FAM149A: variants seen among roughly 807,000 people sequenced by gnomAD.
The protein encoded by FAM149A is protein FAM149A.
A neutral mutation model predicts 78.2 loss-of-function variants in FAM149A; 71 were observed. The observed-to-expected ratio is 0.91, with a 90% CI of 0.75 to 1.11. The LOEUF is 1.11. Ranked by LOEUF, FAM149A falls within the 50% of genes least tolerant of loss-of-function variation. The pLI, the probability that FAM149A is intolerant of heterozygous loss-of-function variation, is 0.00. For synonymous variants in FAM149A, 446 were observed against 410.5 expected (o/e 1.09, Z -1.04); for missense variants, 1,036 against 971.0 (o/e 1.07, Z -0.89).
intron 1 of FAM149A, chr4:186,130,253 A>G (rs967443391): frequency 4.2e-4 from 33 of 78,092 alleles, no homozygotes; most frequent in African/African-American, 1.3e-3. Flanking sequence ...CTAAAATTGG[A>G]CTTTATGAAA....
chr4:186,135,416 T>C (rs1181446410), intron 1 of FAM149A, among the ~76,000 whole-genome samples: 1 of 152,098 alleles, frequency 6.6e-6, no homozygotes, highest in Non-Finnish European at 1.5e-5. Flanking sequence ...TTATCCCTGG[T>C]AGTCATGGTC....
intron 5 of FAM149A, 147 bp downstream of exon 5, chr4:186,153,917 TA>T: frequency 1.3e-6 from 1 of 762,666 alleles, no homozygotes. Context: ...ACAATTTTTA[TA>T]AGAAGCTTTT....
intron 1 of FAM149A, among the ~76,000 whole-genome samples, chr4:186,148,536 A>G (rs777257397): frequency 1.2e-4 from 19 of 152,240 alleles, no homozygotes; most frequent in African/African-American, 4.3e-4. Context: ...GGACATTTCA[A>G]TGATTAACAG....
rs762278887 is a variant in FAM149A at position 186,153,651 on chromosome 4, A to G, written c.939A>G (p.Leu313=). 2 of 1,613,986 alleles carry G rather than the reference A, an allele frequency of 1.2e-6. No individual in the cohort carries two copies. The highest frequency in any genetic ancestry group is 2.2e-5 in the South Asian group (2 of 91,074). The change falls in exon 5 of 14, where the codon TTA becomes TTG. Residue 313 remains leucine (L), a synonymous_variant. Coordinates refer to ENST00000389354, the MANE Select transcript of FAM149A (RefSeq NM_001367768.3). ...CTTCTCTTTGACCTCGCAGAGTATT[A>G]GGAAGACAGCTGATCCTGCCCACTG... is the stretch of plus-strand genomic sequence containing the variant.
chr4:186,165,491 T>C (rs759416750), intron 11 of FAM149A, 27 bp downstream of exon 11: 2 of 1,613,036 alleles, frequency 1.2e-6, no homozygotes, highest in Admixed American at 3.3e-5. Flanking sequence ...TCTATTTCAG[T>C]GGACCATTTA....
intron 1 of FAM149A, among the ~76,000 whole-genome samples, chr4:186,137,438 G>T (rs547892203): frequency 1.1e-4 from 16 of 152,036 alleles, no homozygotes; most frequent in African/African-American, 3.9e-4. Flanking sequence ...TGCATGGTAC[G>T]CACTTTCTGT....
At chr4:186,158,840 G>C (rs199974065) in intron 8 of FAM149A, 11 of 990,128 alleles carry the variant, frequency 1.1e-5, no homozygotes, top group South Asian at 4.4e-5. Context: ...ACCACTGAGC[G>C]GTCTCAAGCT....
chr4:186,107,354 A>G (rs2099309198), intron 1 of FAM149A: 3 of 152,244 alleles, frequency 2.0e-5, no homozygotes, highest in South Asian at 4.1e-4. Flanking sequence ...CATTATTTAC[A>G]TAAGAGATTA....
intron 8 of FAM149A, chr4:186,158,946 T>C: frequency 6.5e-6 from 2 of 305,660 alleles, no homozygotes; most frequent in Non-Finnish European, 9.6e-6. Context: ...CTGTTTGCAA[T>C]GTGATTATTT....
At chr4:186,127,987 C>CTTTTTTTTTTTTTTTTTTTTTTTTTTT (rs61637634) in intron 1 of FAM149A, among the ~76,000 whole-genome samples, 1 of 62,390 alleles carries the variant, frequency 1.6e-5, no homozygotes, top group Non-Finnish European at 2.7e-5. Context: ...CATGCCCGGC[C>CTTTTTTTTTTTTTTTTTTTTTTTTTTT]TTTTTTTTTT....
rs539874864 is a variant in FAM149A at position 186,109,054 on chromosome 4, A to G, written c.566+3412A>G. 5.7e-5 allele frequency: 13 copies of G among 228,866 alleles called. No homozygotes were observed. In the Admixed American group the frequency reaches 5.9e-4, roughly 10 times the overall value. The allele number at this position is 228,866 out of a possible 1,614,324, so 14.2% of individuals were successfully genotyped here. A position where few individuals can be genotyped will look rare whatever the true frequency, so the allele number is the denominator to read the frequency against. ...AGTAGAGAAGGGGTTTCACCATGTT[A>G]GCCAGGATGGTCTCGATCTCCTGAC... On this transcript the variant is annotated intron_variant, in intron 1 of 13. Transcript: ENST00000389354.
In FAM149A at chr4:186,130,293, C is replaced by CTCTCTCTCTCTCTCTCTCTCTCTA; in HGVS notation, c.567-18879_567-18878insCTCTCTCTCTCTCTCTCTCTCTAT. 3.6e-3 allele frequency: 166 copies of CTCTCTCTCTCTCTCTCTCTCTCTA among 46,528 alleles called. 4 individuals are homozygous for CTCTCTCTCTCTCTCTCTCTCTCTA. Among genetic ancestry groups the CTCTCTCTCTCTCTCTCTCTCTCTA allele is most frequent in the Non-Finnish European group, 4.7e-3 (121 of 25,884 alleles). The allele number at this position is 46,528 out of a possible 1,614,324, so 2.9% of individuals were successfully genotyped here. The stretch of plus-strand genomic sequence containing the variant: ...TCTCTCTCTCTCTCTCTCTCTCTCT[C>CTCTCTCTCTCTCTCTCTCTCTCTA]TATATATATATATATATATATAATC... On this transcript the variant is annotated intron_variant, in intron 1 of 13. Coordinates refer to ENST00000389354, the MANE Select transcript of FAM149A (RefSeq NM_001367768.3).
rs1268519617 is a variant in FAM149A at position 186,144,954 on chromosome 4, C to T, written c.567-4219C>T. 1 of 973,500 alleles carries T rather than the reference C, an allele frequency of 1.0e-6. No homozygotes were observed. Among genetic ancestry groups the T allele is most frequent in the Non-Finnish European group, 1.2e-6 (1 of 824,666 alleles). 60.3% of individuals were successfully genotyped at this position (973,500 alleles called of 1,614,324 possible). A position where few individuals can be genotyped will look rare whatever the true frequency, so the allele number is the denominator to read the frequency against. On this transcript the variant is annotated intron_variant, in intron 1 of 13. Transcript: ENST00000389354. The surrounding 1 kb of genome is among the most constrained non-coding windows in gnomAD (Gnocchi z 4.2). ...GCGCGGGCGCGGGCGCGGGCGCGGG[C>T]GCGGGCGGGTGGGGAGCCCCAGCCC...
Position 186,105,370 on chromosome 4 carries a change from C to A in FAM149A, c.294C>A (p.Pro98=). The A allele has an allele frequency of 8.4e-7, 1 of 1,188,808 alleles. No individual in the cohort carries two copies. The highest frequency in any genetic ancestry group is 3.7e-5 in the Admixed American group (1 of 27,222). The allele number at this position is 1,188,808 out of a possible 1,614,324, so 73.6% of individuals were successfully genotyped here. A position where few individuals can be genotyped will look rare whatever the true frequency, so the allele number is the denominator to read the frequency against. The change falls in exon 1 of 14, where the codon CCC becomes CCA. Residue 98 remains proline, a synonymous_variant. Coordinates refer to ENST00000389354, the MANE Select transcript of FAM149A (RefSeq NM_001367768.3). ...CAGTGGGGACCCTGCTCTCTTGGCC[C>A]AGTAGCCCTAGAGCGGGTAAAGCCC...
At chr4:186,121,139 G>A (rs189928439) in intron 1 of FAM149A, among the ~76,000 whole-genome samples, 1 of 151,778 alleles carries the variant, frequency 6.6e-6, no homozygotes, top group Admixed American at 6.6e-5. Flanking sequence ...ATTATTTTAT[G>A]TATGATGATA....
intron 4 of FAM149A, among the ~76,000 whole-genome samples, chr4:186,152,629 C>G (rs1273753955): frequency 7.0e-6 from 1 of 142,590 alleles, no homozygotes; most frequent in Non-Finnish European, 1.5e-5. Flanking sequence ...ACTGCAATCT[C>G]AGCCTCCTTG....
chr4:186,136,958 C>CTT (rs1242894432), intron 1 of FAM149A, among the ~76,000 whole-genome samples: 15 of 103,166 alleles, frequency 1.5e-4, no homozygotes, highest in African/African-American at 3.5e-4. Context: ...CTCTCTCTCT[C>CTT]TCTCTTTCTC....
chr4:186,133,025 C>G (rs1177115458), intron 1 of FAM149A: 2 of 985,284 alleles, frequency 2.0e-6, no homozygotes, highest in African/African-American at 1.7e-5. Flanking sequence ...CTGGCCTGCA[C>G]TCAGCACTGC....
At chr4:186,170,158 G>A (rs554470565) in intron 13 of FAM149A, among the ~76,000 whole-genome samples, 15 of 152,366 alleles carry the variant, frequency 9.8e-5, no homozygotes, top group Admixed American at 8.5e-4. Context: ...CAGTCCGGAA[G>A]GGAGGGCAGA....
Sources: allele counts gnomAD v4.1 joint callset (sites outside exome capture counted in the v4.1 genomes callset), GRCh38; gene constraint gnomAD v4.1.1; non-coding constraint Gnocchi (gnomAD v3.1); transcripts MANE v1.5; gene names NCBI Gene and HGNC (gene_info 2026-07-23, HGNC 2026-07-21).